KATNBL1: variants seen among roughly 807,000 people sequenced by gnomAD.
The protein encoded by KATNBL1 is katanin regulatory subunit B1 like 1, also known as KATNB1-like protein 1.
KATNBL1 carries 28 observed loss-of-function variants against 44.7 expected under a neutral mutation model. The observed-to-expected ratio is 0.63, with a 90% CI of 0.46 to 0.86. The LOEUF (loss-of-function observed/expected upper bound fraction) is 0.86. Among genes scored for constraint, KATNBL1 ranks in the 40% least tolerant of loss-of-function variants. KATNBL1 has a pLI of 0.00. For synonymous variants in KATNBL1, 78 were observed against 114.9 expected (o/e 0.68, Z 2.06); for missense variants, 272 against 350.7 (o/e 0.78, Z 1.79).
chr15:34,184,222 C>T (rs1434989662), intron 1 of KATNBL1, among the ~76,000 whole-genome samples: 4 of 151,716 alleles, frequency 2.6e-5, no homozygotes, highest in East Asian at 3.9e-4. Context: ...AGGAGAATGG[C>T]GTGAACCCGA....
chr15:34,178,906 C>T (rs1159554100), intron 1 of KATNBL1, among the ~76,000 whole-genome samples: 2 of 152,014 alleles, frequency 1.3e-5, no homozygotes, highest in Non-Finnish European at 2.9e-5. Flanking sequence ...TCAATATGTG[C>T]AGTATTTCCA....
chr15:34,156,788 G>C (rs1326144611), intron 2 of KATNBL1, among the ~76,000 whole-genome samples: 1 of 152,240 alleles, frequency 6.6e-6, no homozygotes, highest in Non-Finnish European at 1.5e-5. Context: ...GAGGGTTTGA[G>C]ATAATAGCCT....
At chr15:34,203,106 T>G (rs1177136519) in intron 1 of KATNBL1, among the ~76,000 whole-genome samples, 1 of 152,228 alleles carries the variant, frequency 6.6e-6, no homozygotes, top group East Asian at 1.9e-4. Flanking sequence ...AGTCATCTAT[T>G]CTTGAACTTA....
chr15:34,158,504 T>C (rs1226791843), intron 2 of KATNBL1, among the ~76,000 whole-genome samples: 1 of 152,192 alleles, frequency 6.6e-6, no homozygotes, highest in Non-Finnish European at 1.5e-5. Context: ...AGATATCTCT[T>C]TGATGTCCTG....
rs141208312 is a variant in KATNBL1, at chr15:34,172,933, G to C, written c.-14-9243C>G. 3.3e-4 allele frequency among the ~76,000 whole-genome samples: 50 copies of C among 152,226 alleles called. 2 individuals carry two copies. In the East Asian group the frequency reaches 9.3e-3, roughly 28 times the overall value. Reference sequence around the variant, plus strand: ...GGTGAATTTTTATTGTATGTAAATTGTACTTTGATAAACCTACTTCTAAAA... The same window carrying C: ...GGTGAATTTTTATTGTATGTAAATTCTACTTTGATAAACCTACTTCTAAAA... On this transcript the variant is annotated intron_variant, in intron 1 of 9. Transcript: ENST00000256544.
chr15:34,184,372 C>A (rs1042545052), intron 1 of KATNBL1, among the ~76,000 whole-genome samples: 8 of 149,796 alleles, frequency 5.3e-5, no homozygotes, highest in African/African-American at 2.0e-4. Flanking sequence ...GAAAGTCAGA[C>A]AGCAGAATCA....
intron 2 of KATNBL1, among the ~76,000 whole-genome samples, chr15:34,159,891 T>C (rs774566303): frequency 6.6e-6 from 1 of 152,208 alleles, no homozygotes; most frequent in Non-Finnish European, 1.5e-5. Context: ...ACCCTTGAGA[T>C]AAAAAGTTCT....
intron 2 of KATNBL1, among the ~76,000 whole-genome samples, chr15:34,159,294 CT>C (rs1888729490): frequency 6.6e-6 from 1 of 152,120 alleles, no homozygotes; most frequent in Non-Finnish European, 1.5e-5. Flanking sequence ...ACTCCTAAGG[CT>C]ACTGTTTTGT....
intron 9 of KATNBL1, among the ~76,000 whole-genome samples, chr15:34,144,419 A>AATAT (rs148768731): frequency 0.013 from 1,888 of 148,258 alleles, 14 homozygotes; most frequent in Middle Eastern, 0.042. Flanking sequence ...CTTATTTAGA[A>AATAT]ATATATATAT....
chr15:34,201,979 A>T (rs1438530398), intron 1 of KATNBL1, among the ~76,000 whole-genome samples: 1 of 152,224 alleles, frequency 6.6e-6, no homozygotes, highest in Non-Finnish European at 1.5e-5. Context: ...TTTAAGGTGT[A>T]TGGGAGGATG....
intron 1 of KATNBL1, chr15:34,199,815 G>A (rs1595366416): frequency 6.6e-6 from 1 of 152,138 alleles, no homozygotes; most frequent in Non-Finnish European, 1.5e-5. Context: ...GCAACAGCAA[G>A]ATTTATTGTG....
intron 9 of KATNBL1, among the ~76,000 whole-genome samples, chr15:34,143,966 CAAAAAAAAAAA>C (rs61591705): frequency 1.5e-5 from 1 of 66,406 alleles, no homozygotes; most frequent in Admixed American, 2.6e-4. Flanking sequence ...GATTCCATCT[CAAAAAAAAAAA>C]AAAAAAAAAA....
chr15:34,172,632 C>A (rs956425756), intron 1 of KATNBL1, among the ~76,000 whole-genome samples: 2 of 152,178 alleles, frequency 1.3e-5, no homozygotes, highest in African/African-American at 4.8e-5. Context: ...AATCTTTCTG[C>A]TTCTTGCCTC....
At chr15:34,200,245 TTCTC>T (rs561989641) in intron 1 of KATNBL1, among the ~76,000 whole-genome samples, 8 of 151,696 alleles carry the variant, frequency 5.3e-5, no homozygotes, top group South Asian at 4.2e-4. Flanking sequence ...TCACACCACT[TTCTC>T]TCTCTCTCTT....
At chr15:34,159,070 C>T (rs1032978269) in intron 2 of KATNBL1, among the ~76,000 whole-genome samples, 1 of 152,172 alleles carries the variant, frequency 6.6e-6, no homozygotes, top group African/African-American at 2.4e-5. Context: ...TTCAATAAGC[C>T]ACCTTTCTGC....
intron 1 of KATNBL1, among the ~76,000 whole-genome samples, chr15:34,184,576 C>CTTTCTTTTTT (rs1889664857): frequency 1.0e-5 from 1 of 95,258 alleles, no homozygotes; most frequent in Admixed American, 1.6e-4. Flanking sequence ...CCTAATGTTT[C>CTTTCTTTTTT]TTTTTTTTTT....
intron 1 of KATNBL1, among the ~76,000 whole-genome samples, chr15:34,207,533 C>T (rs966520042): frequency 2.6e-5 from 4 of 152,100 alleles, no homozygotes; most frequent in African/African-American, 9.7e-5. Flanking sequence ...GAGATGGAGT[C>T]TTGGTATGTT....
At chr15:34,165,316 G>C (rs958142637) in intron 1 of KATNBL1, among the ~76,000 whole-genome samples, 1 of 148,318 alleles carries the variant, frequency 6.7e-6, no homozygotes, top group African/African-American at 2.4e-5. Flanking sequence ...TACAATGTGA[G>C]ATTTTTTTTT....
intron 1 of KATNBL1, among the ~76,000 whole-genome samples, chr15:34,208,078 C>A (rs996053889): frequency 6.6e-6 from 1 of 152,188 alleles, no homozygotes; most frequent in South Asian, 2.1e-4. Flanking sequence ...TGTCCTGGCA[C>A]ATTTTTTATT....
Sources: gnomAD v4.1 joint callset for allele counts (sites outside exome capture counted in the v4.1 genomes callset) on GRCh38, gnomAD v4.1.1 for gene constraint, MANE v1.5 for transcripts, NCBI Gene and HGNC (gene_info 2026-07-23, HGNC 2026-07-21) for gene names.